CCDC178: variants seen among roughly 807,000 people sequenced by gnomAD.
The protein encoded by CCDC178 is coiled-coil domain-containing protein 178.
CCDC178 carries 126 observed loss-of-function variants against 117.4 expected under a neutral mutation model. The observed-to-expected ratio is 1.07, with a 90% confidence interval of 0.93 to 1.24. CCDC178 has a LOEUF of 1.24. Ranked by LOEUF, CCDC178 falls within the 50% of genes most tolerant of loss-of-function variation. The pLI, the probability that CCDC178 is intolerant of heterozygous loss-of-function variation, is 0.00. For synonymous variants in CCDC178, 283 were observed against 313.4 expected (o/e 0.90, Z 1.02); for missense variants, 1,030 against 986.9 (o/e 1.04, Z -0.59).
intron 10 of CCDC178, among the ~76,000 whole-genome samples, chr18:33,329,686 T>C (rs2062636949): frequency 2.0e-5 from 3 of 152,132 alleles, no homozygotes; most frequent in Admixed American, 2.0e-4. Context: ...CTGCTAGATT[T>C]GGGTTGCTAG....
At position 33,142,755 on chromosome 18, in the gene CCDC178, T is replaced by C. The variant is rs2144306173; in HGVS notation, c.2239-49845A>G. Among the ~76,000 whole-genome samples, 2 of 152,300 alleles carry C rather than the reference T, an allele frequency of 1.3e-5. 1 individual carries two copies. The highest frequency in any genetic ancestry group is 6.8e-3 in the Middle Eastern group (2 of 294). On this transcript the variant is annotated intron_variant, in intron 20 of 22. Transcript: ENST00000383096. Reference sequence around the variant, plus strand: ...GCAGGCATTTCACCATTTATTTTAATTTTTGCAAACATATAAACATCCTAA... The same window carrying C: ...GCAGGCATTTCACCATTTATTTTAACTTTTGCAAACATATAAACATCCTAA...
chr18:33,055,959 T>C (rs535653266), intron 21 of CCDC178, among the ~76,000 whole-genome samples: 3 of 152,112 alleles, frequency 2.0e-5, no homozygotes, highest in East Asian at 1.9e-4. Flanking sequence ...CATGCTACCA[T>C]GCATGGCTCA....
chr18:33,218,470 T>C (rs2059193883), intron 18 of CCDC178, among the ~76,000 whole-genome samples: 1 of 152,186 alleles, frequency 6.6e-6, no homozygotes, highest in Non-Finnish European at 1.5e-5. Flanking sequence ...ATCCCAGTTG[T>C]CTATTTTGGC....
At chr18:33,177,618 TTACTC>T (rs2058678589) in intron 20 of CCDC178, among the ~76,000 whole-genome samples, 1 of 152,246 alleles carries the variant, frequency 6.6e-6, no homozygotes, top group East Asian at 1.9e-4. Context: ...AAAAGTCCCT[TTACTC>T]TATTTCTGTC....
At chr18:32,958,011 CA>C (rs2054629093) in intron 22 of CCDC178, 1 of 306,192 alleles carries the variant, frequency 3.3e-6, no homozygotes, top group African/African-American at 2.1e-5. Context: ...CCTTTGTCAG[CA>C]ACATTCATTT....
chr18:33,133,282 A>G (rs1338245778), intron 20 of CCDC178, among the ~76,000 whole-genome samples: 1 of 151,880 alleles, frequency 6.6e-6, no homozygotes, highest in African/African-American at 2.4e-5. Context: ...AGTTAAATAT[A>G]AAGAATATTA....
At chr18:33,233,617 C>A (rs1471391960) in intron 15 of CCDC178, among the ~76,000 whole-genome samples, 1 of 151,786 alleles carries the variant, frequency 6.6e-6, no homozygotes, top group Non-Finnish European at 1.5e-5. Context: ...AAGGTAGCCT[C>A]ACGCTATAGG....
intron 2 of CCDC178, among the ~76,000 whole-genome samples, chr18:33,415,279 T>C (rs11081806): frequency 0.6 from 90,529 of 151,954 alleles, 28,074 homozygotes; most frequent in East Asian, 0.8. Context: ...CTATTCACAA[T>C]AGCAAAGACT....
At chr18:33,211,614 G>A (rs2059108686) in intron 20 of CCDC178, among the ~76,000 whole-genome samples, 1 of 151,458 alleles carries the variant, frequency 6.6e-6, no homozygotes, top group Non-Finnish European at 1.5e-5. Flanking sequence ...AAGGACTCTG[G>A]AATAAATATA....
At chr18:33,292,413 G>T (rs1555678985) in intron 12 of CCDC178, among the ~76,000 whole-genome samples, 1 of 152,128 alleles carries the variant, frequency 6.6e-6, no homozygotes, top group Non-Finnish European at 1.5e-5. Context: ...GATAACTAGA[G>T]ACTAGGAAGG....
Position 33,333,279 on chromosome 18 carries a change from C to T in CCDC178, c.774G>A (p.Lys258=). 1 of 1,612,444 alleles carries T rather than the reference C, an allele frequency of 6.2e-7. No individual in the cohort carries two copies. Among genetic ancestry groups the T allele is most frequent in the Non-Finnish European group, 8.5e-7 (1 of 1,178,898 alleles). ...TCATGTAGTCTATGTCTGCTTGAAT[C>T]TTTGCATTTGCTTCTTCTAACTCTG... ...QKTELEEANA[K]IQADIDYMNE... Residue 258 remains lysine (K), a synonymous_variant, in exon 10 of 23, where the codon AAG becomes AAA. Transcript: ENST00000383096.
chr18:33,178,828 C>T (rs1221672535), intron 20 of CCDC178, among the ~76,000 whole-genome samples: 1 of 151,246 alleles, frequency 6.6e-6, no homozygotes, highest in African/African-American at 2.4e-5. Context: ...CCTCCATGGG[C>T]CCCTATTTTG....
intron 21 of CCDC178, among the ~76,000 whole-genome samples, chr18:33,042,651 T>C (rs2056570833): frequency 6.6e-6 from 1 of 151,934 alleles, no homozygotes; most frequent in Admixed American, 6.6e-5. Flanking sequence ...TAATTTCCCT[T>C]GGTGTGCTAA....
At chr18:33,337,430 C>A (rs187403652) in intron 9 of CCDC178, among the ~76,000 whole-genome samples, 1 of 152,110 alleles carries the variant, frequency 6.6e-6, no homozygotes, top group Middle Eastern at 3.4e-3. Context: ...CTGGCTAGGA[C>A]TTCCAGTACT....
intron 20 of CCDC178, among the ~76,000 whole-genome samples, chr18:33,202,611 T>G (rs1338202684): frequency 6.6e-6 from 1 of 152,096 alleles, no homozygotes; most frequent in Non-Finnish European, 1.5e-5. Context: ...CGCATTCCTA[T>G]TCCATCAGTG....
chr18:33,320,348 C>T (rs1473897950), intron 11 of CCDC178, among the ~76,000 whole-genome samples: 20 of 152,254 alleles, frequency 1.3e-4, no homozygotes, highest in African/African-American at 1.9e-4. Context: ...AAAACCCCAT[C>T]GTTTCAGCCC....
At chr18:33,341,719 C>T (rs1483743556) in intron 9 of CCDC178, among the ~76,000 whole-genome samples, 2 of 152,104 alleles carry the variant, frequency 1.3e-5, no homozygotes, top group African/African-American at 4.8e-5. Flanking sequence ...TAAGAAGTGC[C>T]TTTAGCCTCC....
intron 2 of CCDC178, among the ~76,000 whole-genome samples, chr18:33,417,022 C>A (rs991830002): frequency 2.0e-5 from 3 of 152,100 alleles, no homozygotes; most frequent in South Asian, 2.1e-4. Flanking sequence ...AATGATGTAA[C>A]CACTCTGGAA....
At chr18:33,113,394 TA>T (rs1207057693) in intron 20 of CCDC178, among the ~76,000 whole-genome samples, 2 of 152,076 alleles carry the variant, frequency 1.3e-5, no homozygotes, top group Non-Finnish European at 2.9e-5. Flanking sequence ...ATTCCTTAAA[TA>T]ATTTTAGGAT....
Sources: allele counts gnomAD v4.1 joint callset (sites outside exome capture counted in the v4.1 genomes callset), GRCh38; gene constraint gnomAD v4.1.1; transcripts MANE v1.5; gene names NCBI Gene and HGNC (gene_info 2026-07-23, HGNC 2026-07-21).